The following BRF1 variants were observed in gnomAD, a reference collection of about 807,000 sequenced individuals.
The protein encoded by BRF1 is BRF1 general transcription factor IIIB subunit.
A neutral mutation model predicts 81.7 loss-of-function variants in BRF1; 59 were observed. The observed-to-expected ratio is 0.72, with a 90% CI of 0.59 to 0.90. BRF1 has a LOEUF of 0.90. Among genes scored for constraint, BRF1 ranks in the 40% least tolerant of loss-of-function variants. The pLI is 0.00. For synonymous variants in BRF1, 491 were observed against 395.6 expected, an observed-to-expected ratio of 1.24 and a Z score of -2.86; for missense variants, 1,050 against 936.3, an observed-to-expected ratio of 1.12 and a Z score of -1.58.
intron 10 of BRF1, among the ~76,000 whole-genome samples, chr14:105,223,865 G>C (rs948657756): frequency 4.6e-5 from 7 of 152,180 alleles, no homozygotes; most frequent in Non-Finnish European, 8.8e-5. Context: ...GAACTTTCAC[G>C]GGAGGAATGT....
intron 6 of BRF1, among the ~76,000 whole-genome samples, chr14:105,241,030 T>C (rs1448333316): frequency 6.6e-6 from 1 of 152,174 alleles, no homozygotes; most frequent in Non-Finnish European, 1.5e-5. Context: ...TCAAGGCCGC[T>C]CTGCCCTGAG....
intron 2 of BRF1, among the ~76,000 whole-genome samples, chr14:105,274,613 A>G (rs2056802462): frequency 6.6e-6 from 1 of 152,218 alleles, no homozygotes; most frequent in African/African-American, 2.4e-5. Flanking sequence ...TGCGGGCCAC[A>G]TGATGGCATC....
chr14:105,256,982 T>A (rs2055909492), intron 3 of BRF1, among the ~76,000 whole-genome samples: 1 of 152,140 alleles, frequency 6.6e-6, no homozygotes, highest in Non-Finnish European at 1.5e-5. Context: ...GGGCACTTGC[T>A]GAGCACCTAT....
In BRF1 at chr14:105,210,966, A is replaced by G. The variant is rs1247571984; in HGVS notation, c.1996+156T>C. Among the ~76,000 whole-genome samples, 1 of 152,172 alleles carries G rather than the reference A, an allele frequency of 6.6e-6. No homozygotes were observed. Among genetic ancestry groups the G allele is most frequent in the Non-Finnish European group, 1.5e-5 (1 of 68,022 alleles). On this transcript the variant is annotated intron_variant, in intron 17 of 17. Transcript: ENST00000547530. The surrounding 1 kb of genome is among the most constrained non-coding windows in gnomAD (Gnocchi z 4.7). ...GGCTGCCTCCAACCTCACAATCGAC[A>G]TGACCAATTTACAAAATGTCTTAGT...
Position 105,300,715 on chromosome 14 carries a change from G to GGCCCAGCC in BRF1, c.-94_-87dup, listed in dbSNP as rs1210244238. The stretch of plus-strand genomic sequence containing the variant: ...CGGAGCAGCCCGCGCCGCCCGCCCA[G>GGCCCAGCC]GCCCAGCCGCCCAGGCCTCGCCGCT... On this transcript the variant is annotated 5_prime_UTR_variant, in exon 1 of 18. Transcript: ENST00000547530. 9.1e-7 allele frequency: 1 copy of GGCCCAGCC among 1,096,618 alleles called. No homozygotes were observed. The highest frequency in any genetic ancestry group is 1.1e-6 in the Non-Finnish European group (1 of 870,158). The allele number at this position is 1,096,618 out of a possible 1,614,324, so 67.9% of individuals were successfully genotyped here. A position where few individuals can be genotyped will look rare whatever the true frequency, so the allele number is the denominator to read the frequency against.
intron 1 of BRF1, among the ~76,000 whole-genome samples, chr14:105,288,968 C>T (rs1311101233): frequency 1.4e-5 from 2 of 145,826 alleles, no homozygotes; most frequent in African/African-American, 2.6e-5. Context: ...CCCGGGAGGT[C>T]GAGGCTGCAA....
intron 1 of BRF1, chr14:105,314,925 G>A: frequency 2.8e-6 from 3 of 1,069,358 alleles, no homozygotes; most frequent in African/African-American, 1.7e-5. Flanking sequence ...CGCCATGGCC[G>A]AGCGAGGCCG....
chr14:105,218,808 C>A (rs1204167103), intron 14 of BRF1, among the ~76,000 whole-genome samples, 190 bp downstream of exon 14: 1 of 152,248 alleles, frequency 6.6e-6, no homozygotes, highest in Non-Finnish European at 1.5e-5. Flanking sequence ...CGGCTGGGCG[C>A]CTGTGGCCAG....
intron 3 of BRF1, among the ~76,000 whole-genome samples, chr14:105,266,214 G>C (rs2816619): frequency 0.2 from 31,014 of 152,034 alleles, 3,828 homozygotes; most frequent in Non-Finnish European, 0.27. Context: ...GGGAGTCCAA[G>C]ATGAGAAGAT....
Position 105,209,558 on chromosome 14 carries a change from T to C in BRF1, c.*993A>G, listed in dbSNP as rs913724545. 4 of 702,562 alleles carry C rather than the reference T, an allele frequency of 5.7e-6. No homozygotes were observed. The highest frequency in any genetic ancestry group is 4.0e-5 in the Admixed American group (2 of 49,978). The allele number at this position is 702,562 out of a possible 1,614,324, so 43.5% of individuals were successfully genotyped here. On this transcript the variant is annotated 3_prime_UTR_variant, in exon 18 of 18. Transcript: ENST00000547530. Reference sequence around the variant, plus strand: ...CCCTCGGCCACATCCGGGGCAGCCATGCCAGAGCTGAGACCTCCTACGAGT... The same window carrying C: ...CCCTCGGCCACATCCGGGGCAGCCACGCCAGAGCTGAGACCTCCTACGAGT...
At chr14:105,287,688 A>G (rs1054425296) in intron 1 of BRF1, among the ~76,000 whole-genome samples, 1 of 152,244 alleles carries the variant, frequency 6.6e-6, no homozygotes. Flanking sequence ...AGCACAGACA[A>G]GGCAGAACAG....
At chr14:105,250,675 T>C (rs781041503) in intron 5 of BRF1, 1 of 1,601,132 alleles carries the variant, frequency 6.2e-7, no homozygotes, top group East Asian at 2.2e-5. Flanking sequence ...ATGCCTGAGG[T>C]GCCCGGGGAG....
chr14:105,225,976 C>T, intron 10 of BRF1, 93 bp downstream of exon 10: 2 of 1,270,874 alleles, frequency 1.6e-6, no homozygotes, highest in Non-Finnish European at 2.2e-6. Flanking sequence ...TAATCCCCTT[C>T]CCTTTCCAGG....
At chr14:105,261,944 CT>C (rs68097299) in intron 3 of BRF1, among the ~76,000 whole-genome samples, 2,643 of 152,374 alleles carry the variant, frequency 0.017, 69 homozygotes, top group African/African-American at 0.057. Context: ...CAGGCCCCCC[CT>C]GCTCTGAGTG....
At chr14:105,248,799 CGGCGCGGCGCGAG>C (rs2055346545) in intron 5 of BRF1, 1 of 983,352 alleles carries the variant, frequency 1.0e-6, no homozygotes, top group South Asian at 4.7e-5. Context: ...CCCGAGGCCC[CGGCGCGGCGCGAG>C]GGCGCGGGGC....
chr14:105,215,303 C>G (rs987356904), intron 15 of BRF1, among the ~76,000 whole-genome samples: 2 of 152,024 alleles, frequency 1.3e-5, no homozygotes, highest in African/African-American at 4.8e-5. Flanking sequence ...GACCTGCACA[C>G]CACAATCTGT....
rs182720861 is a variant in BRF1 at position 105,299,346 on chromosome 14, G to A, written c.184+1100C>T. Among the ~76,000 whole-genome samples, 128 of 152,218 alleles carry A rather than the reference G, an allele frequency of 8.4e-4. 4 individuals are homozygous for A. The highest frequency in any genetic ancestry group is 7.4e-3 in the Admixed American group (113 of 15,274). Reference sequence around the variant, plus strand: ...AGCAATTCGGGAGGCCAAGGCTGGAGTATCACTTGAGCCCAGGAGTTTGAG... The same window carrying A: ...AGCAATTCGGGAGGCCAAGGCTGGAATATCACTTGAGCCCAGGAGTTTGAG... On this transcript the variant is annotated intron_variant, in intron 1 of 17. Coordinates refer to ENST00000547530, the MANE Select transcript of BRF1 (RefSeq NM_001519.4).
chr14:105,241,566 G>C (rs1451640882), intron 5 of BRF1, 152 bp from the exon 6 acceptor site: 9 of 1,005,974 alleles, frequency 8.9e-6, no homozygotes, highest in African/African-American at 1.6e-5. Flanking sequence ...AAGCCTCTCT[G>C]ACCCTCAGCT....
Position 105,228,825 on chromosome 14 carries a change from C to T in BRF1, c.783G>A (p.Arg261=), listed in dbSNP as rs143363988. The change falls in exon 7 of 18, where the codon CGG becomes CGA. Residue 261 remains arginine, a synonymous_variant. Coordinates refer to ENST00000547530, the MANE Select transcript of BRF1 (RefSeq NM_001519.4). The stretch of plus-strand genomic sequence containing the variant: ...CATGAATGAGAGCCCCTCACCTCTT[C>T]CGCAGCGTGGACTCACACACTTTGA... ...SVVKVCESTL[R]KRLTEFEDTP... The T allele has an allele frequency of 5.0e-6, 8 of 1,613,910 alleles. No individual in the cohort carries two copies. The highest frequency in any genetic ancestry group is 2.7e-5 in the African/African-American group (2 of 75,076).
Sources: gnomAD v4.1 joint callset for allele counts (sites outside exome capture counted in the v4.1 genomes callset) on GRCh38, gnomAD v4.1.1 for gene constraint, Gnocchi (gnomAD v3.1) non-coding constraint, MANE v1.5 for transcripts, NCBI Gene and HGNC (gene_info 2026-07-23, HGNC 2026-07-21) for gene names.